PPP2R5E: variants seen among roughly 807,000 people sequenced by gnomAD.
PPP2R5E encodes the protein serine/threonine-protein phosphatase 2A 56 kDa regulatory subunit epsilon isoform.
Under a neutral mutation model 65.3 loss-of-function variants are expected in PPP2R5E, and 4 were observed. The ratio of observed to expected loss-of-function variants is 0.06; its 90% confidence interval spans 0.03 to 0.14. PPP2R5E has a LOEUF of 0.14. Ranked by LOEUF, PPP2R5E falls within the 10% of genes least tolerant of loss-of-function variation. The pLI is 1.00. For synonymous variants in PPP2R5E, 183 were observed against 187.4 expected, an observed-to-expected ratio of 0.98 and a Z score of 0.19; for missense variants, 274 against 556.1, an observed-to-expected ratio of 0.49 and a Z score of 5.10.
At chr14:63,525,281 C>T (rs961448711) in intron 2 of PPP2R5E, among the ~76,000 whole-genome samples, 1 of 152,212 alleles carries the variant, frequency 6.6e-6, no homozygotes, top group Non-Finnish European at 1.5e-5. Flanking sequence ...TGTTTCTTTA[C>T]AGGCACACTC....
At chr14:63,430,173 T>C (rs562795443) in intron 3 of PPP2R5E, among the ~76,000 whole-genome samples, 2 of 152,242 alleles carry the variant, frequency 1.3e-5, no homozygotes, top group African/African-American at 4.8e-5. Context: ...AATCAGACAT[T>C]TAAACACCTA....
chr14:63,475,979 T>G (rs904399782), intron 2 of PPP2R5E, among the ~76,000 whole-genome samples: 2 of 152,230 alleles, frequency 1.3e-5, no homozygotes, highest in Non-Finnish European at 2.9e-5. Flanking sequence ...ATTGTATGCA[T>G]GTCTATATAT....
At chr14:63,521,928 G>C (rs1892921263) in intron 2 of PPP2R5E, among the ~76,000 whole-genome samples, 2 of 150,228 alleles carry the variant, frequency 1.3e-5, no homozygotes, top group Non-Finnish European at 3.0e-5. Context: ...AGTTACAAAG[G>C]TTACACGCTG....
chr14:63,448,165 C>T (rs944843025), intron 3 of PPP2R5E, among the ~76,000 whole-genome samples: 2 of 151,812 alleles, frequency 1.3e-5, no homozygotes, highest in African/African-American at 2.4e-5. Context: ...GGCGTGGTGG[C>T]GGGCGCCTGT....
At chr14:63,423,333 G>C (rs1191953522) in intron 3 of PPP2R5E, among the ~76,000 whole-genome samples, 1 of 152,206 alleles carries the variant, frequency 6.6e-6, no homozygotes, top group Non-Finnish European at 1.5e-5. Context: ...CTGACCTCAA[G>C]TGACCTGCCC....
chr14:63,505,341 A>T (rs1172470302), intron 2 of PPP2R5E, among the ~76,000 whole-genome samples: 1 of 152,230 alleles, frequency 6.6e-6, no homozygotes, highest in Non-Finnish European at 1.5e-5. Flanking sequence ...AGAAGTTTCC[A>T]AAGATGCCAA....
intron 2 of PPP2R5E, among the ~76,000 whole-genome samples, chr14:63,490,062 C>A (rs1172778199): frequency 6.6e-6 from 1 of 152,012 alleles, no homozygotes; most frequent in East Asian, 1.9e-4. Context: ...GTCTGAATGA[C>A]CTCTAGCTAA....
chr14:63,522,980 G>A (rs1893010467), intron 2 of PPP2R5E, among the ~76,000 whole-genome samples: 1 of 147,910 alleles, frequency 6.8e-6, no homozygotes, highest in Non-Finnish European at 1.5e-5. Flanking sequence ...CCCCTGCCCG[G>A]CCAGCCGCCC....
At chr14:63,476,259 T>TTTG (rs750209753) in intron 2 of PPP2R5E, among the ~76,000 whole-genome samples, 6 of 152,084 alleles carry the variant, frequency 3.9e-5, no homozygotes, top group African/African-American at 9.7e-5. Flanking sequence ...CCTTTTGCTT[T>TTTG]TTGTTGTTGT....
rs767892639 is a variant in PPP2R5E at position 63,467,222 on chromosome 14, C to CA, written c.158-13338dup. 9.4e-4 allele frequency among the ~76,000 whole-genome samples: 107 copies of CA among 114,346 alleles called. 10 individuals carry two copies. The highest frequency in any genetic ancestry group is 2.9e-3 in the African/African-American group (64 of 22,450). The allele number at this position is 114,346 out of a possible 152,430, so 75.0% of individuals were successfully genotyped here. A position where few individuals can be genotyped will look rare whatever the true frequency, so the allele number is the denominator to read the frequency against. On this transcript the variant is annotated intron_variant, in intron 2 of 13. Coordinates refer to ENST00000337537, the MANE Select transcript of PPP2R5E (RefSeq NM_006246.5). ...TGGGTGACAGAGCAAGACTCCGTCT[C>CA]AAAAAAAACAAACAAACAAACAAAA...
chr14:63,520,886 A>AAAAAAG (rs1566759558), intron 2 of PPP2R5E, among the ~76,000 whole-genome samples: 27 of 143,010 alleles, frequency 1.9e-4, no homozygotes, highest in African/African-American at 7.5e-4. Context: ...AAAAAAAAAA[A>AAAAAAG]CAATTAGCCG....
intron 2 of PPP2R5E, among the ~76,000 whole-genome samples, chr14:63,495,891 A>G (rs963684215): frequency 1.3e-5 from 2 of 151,838 alleles, no homozygotes; most frequent in Non-Finnish European, 2.9e-5. Context: ...AGGTTTCCCT[A>G]TGTTGCCCGA....
At chr14:63,498,559 G>A (rs992492499) in intron 2 of PPP2R5E, among the ~76,000 whole-genome samples, 2 of 150,872 alleles carry the variant, frequency 1.3e-5, no homozygotes, top group Admixed American at 6.6e-5. Context: ...GTACTTTTAA[G>A]TAATTTTTTT....
chr14:63,397,649 T>G (rs555997445), intron 5 of PPP2R5E, among the ~76,000 whole-genome samples: 3 of 152,154 alleles, frequency 2.0e-5, no homozygotes, highest in East Asian at 3.9e-4. Flanking sequence ...ACTCTTGTTA[T>G]GTAGGTGTGC....
intron 3 of PPP2R5E, chr14:63,452,191 G>C (rs1888878726): frequency 6.6e-6 from 1 of 152,200 alleles, no homozygotes; most frequent in South Asian, 2.1e-4. Context: ...AGATACAGAA[G>C]AAAGTCATAA....
At chr14:63,525,413 A>C (rs1452773079) in intron 2 of PPP2R5E, among the ~76,000 whole-genome samples, 1 of 152,206 alleles carries the variant, frequency 6.6e-6, no homozygotes. Flanking sequence ...ACCTTTTAAA[A>C]TTCTATTTGG....
Position 63,419,359 on chromosome 14 carries a change from A to C in PPP2R5E, c.456+2634T>G, listed in dbSNP as rs149950281. On this transcript the variant is annotated intron_variant, in intron 4 of 13. Coordinates refer to ENST00000337537, the MANE Select transcript of PPP2R5E (RefSeq NM_006246.5). Reference sequence around the variant, plus strand: ...ACTGCTAATTATGAAGTTAATAAAAAGTGAAAAGGTCTAAAACTATGCTGT... The same window carrying C: ...ACTGCTAATTATGAAGTTAATAAAACGTGAAAAGGTCTAAAACTATGCTGT... 3.1e-3 allele frequency among the ~76,000 whole-genome samples: 469 copies of C among 152,348 alleles called. 2 individuals are homozygous for C. The highest frequency in any genetic ancestry group is 0.011 in the African/African-American group (441 of 41,572).
At chr14:63,482,036 T>G (rs1016315116) in intron 2 of PPP2R5E, among the ~76,000 whole-genome samples, 2 of 152,212 alleles carry the variant, frequency 1.3e-5, no homozygotes, top group Non-Finnish European at 2.9e-5. Context: ...AATGTCAACA[T>G]TTTAAAATAT....
At chr14:63,430,641 T>C (rs577223634) in intron 3 of PPP2R5E, among the ~76,000 whole-genome samples, 1 of 152,226 alleles carries the variant, frequency 6.6e-6, no homozygotes, top group South Asian at 2.1e-4. Flanking sequence ...TAAATAAACA[T>C]AGAAAGATCT....
Sources: allele counts gnomAD v4.1 joint callset (sites outside exome capture counted in the v4.1 genomes callset), GRCh38; gene constraint gnomAD v4.1.1; transcripts MANE v1.5; gene names NCBI Gene and HGNC (gene_info 2026-07-23, HGNC 2026-07-21).